FAM120A: variants seen among roughly 807,000 people sequenced by gnomAD.
The protein encoded by FAM120A is constitutive coactivator of PPAR-gamma-like protein 1.
A neutral mutation model predicts 109.7 loss-of-function variants in FAM120A; 15 were observed. The ratio of observed to expected loss-of-function variants is 0.14; its 90% CI spans 0.09 to 0.21. The LOEUF (loss-of-function observed/expected upper bound fraction) is 0.21. FAM120A is among the 10% of genes least tolerant of loss of function. FAM120A has a pLI of 1.00. For missense variants in FAM120A, 899 were observed against 1,439.3 expected (o/e 0.62, Z 6.07); for synonymous variants, 493 against 572.8 (o/e 0.86, Z 1.99).
At chr9:93,558,503 C>G (rs1862367669) in intron 14 of FAM120A, 78 bp from the exon 15 acceptor site, 1 of 1,552,560 alleles carries the variant, frequency 6.4e-7, no homozygotes, top group African/African-American at 1.4e-5. Context: ...GCAGGGGCCA[C>G]TCTGCCTGAA....
chr9:93,554,826 T>G (rs941270241), intron 12 of FAM120A, among the ~76,000 whole-genome samples: 1 of 152,230 alleles, frequency 6.6e-6, no homozygotes, highest in Non-Finnish European at 1.5e-5. Flanking sequence ...TTCTCTGTTC[T>G]CTGGTGTAGG....
At position 93,452,253 on chromosome 9, in the gene FAM120A, G is replaced by C. The variant is rs781127336; in HGVS notation, c.338G>C (p.Gly113Ala). The part of the protein sequence containing the change: ...ARLHEWVKRQ[G>A]NERQTAQQIV... The stretch of plus-strand genomic sequence containing the variant: ...CTGCACGAGTGGGTCAAGCGGCAGG[G>C]CAACGAGCGCCAGACGGCACAGCAG... Residue 113 changes from glycine (G) to alanine (A), a missense_variant, in exon 1 of 18, where the codon GGC becomes GCC. Gly to Ala is a moderately conservative substitution (Grantham distance 60, BLOSUM62 0). This residue lies in a region of FAM120A where 258 missense variants were observed against 451.4 expected (regional missense o/e 0.57). Coordinates refer to ENST00000277165, the MANE Select transcript of FAM120A (RefSeq NM_014612.5). The surrounding 1 kb of genome is among the most constrained non-coding windows in gnomAD (Gnocchi z 7.0). The C allele has an allele frequency of 6.2e-7, 1 of 1,610,506 alleles. No homozygotes were observed. The highest frequency in any genetic ancestry group is 1.7e-5 in the Admixed American group (1 of 59,780).
intron 5 of FAM120A, among the ~76,000 whole-genome samples, chr9:93,506,583 G>T: frequency 6.9e-6 from 1 of 145,604 alleles, no homozygotes; most frequent in South Asian, 2.1e-4. Flanking sequence ...CTTAGGGCAT[G>T]ATTTTTTTTT....
chr9:93,482,210 C>T (rs750203497), intron 3 of FAM120A, among the ~76,000 whole-genome samples: 9 of 101,538 alleles, frequency 8.9e-5, no homozygotes, highest in Non-Finnish European at 1.6e-4. Flanking sequence ...TTTTGGGAGA[C>T]GGAGTTTTGC....
At chr9:93,538,998 AGTT>A (rs1411644572) in intron 10 of FAM120A, among the ~76,000 whole-genome samples, 1 of 139,864 alleles carries the variant, frequency 7.1e-6, no homozygotes, top group Non-Finnish European at 1.6e-5. Flanking sequence ...TCAGCCCTAG[AGTT>A]GTTTTTTTTT....
chr9:93,472,421 A>G (rs1345368709), intron 2 of FAM120A, among the ~76,000 whole-genome samples: 2 of 152,184 alleles, frequency 1.3e-5, no homozygotes, highest in Non-Finnish European at 2.9e-5. Flanking sequence ...CTTAGTTTAT[A>G]AGAATTGTGT....
rs760183507 is a variant in FAM120A at position 93,557,955 on chromosome 9, C to T, written c.2613C>T (p.Tyr871=). The change falls in exon 14 of 18, where the codon TAC becomes TAT. Residue 871 remains tyrosine, a synonymous_variant. Coordinates refer to ENST00000277165, the MANE Select transcript of FAM120A (RefSeq NM_014612.5). ...TGCCCTTCTACCCTGCCTCTGCGTA[C>T]CCCCGGCACTTTGGGCCTGTCCCAC... is the stretch of plus-strand genomic sequence containing the variant. ...PALPFYPASA[Y]PRHFGPVPPS... 4.4e-6 allele frequency: 7 copies of T among 1,605,390 alleles called. No individual in the cohort carries two copies. Among genetic ancestry groups the T allele is most frequent in the East Asian group, 2.2e-5 (1 of 44,888 alleles).
At chr9:93,468,806 C>T (rs796983824) in intron 1 of FAM120A, among the ~76,000 whole-genome samples, 30 of 152,276 alleles carry the variant, frequency 2.0e-4, no homozygotes, top group African/African-American at 7.2e-4. Flanking sequence ...GTTTCTTAGG[C>T]TCTATTTCCT....
intron 10 of FAM120A, among the ~76,000 whole-genome samples, chr9:93,534,703 T>A (rs1022416790): frequency 6.6e-5 from 10 of 152,064 alleles, no homozygotes; most frequent in Non-Finnish European, 1.2e-4. Flanking sequence ...TGGGGAGGAT[T>A]TAGTGGGGGA....
At chr9:93,510,536 A>G (rs1860269659) in intron 5 of FAM120A, among the ~76,000 whole-genome samples, 3 of 152,222 alleles carry the variant, frequency 2.0e-5, no homozygotes, top group Admixed American at 2.0e-4. Context: ...TGCTTTTCCA[A>G]AACCCACAAA....
At chr9:93,492,064 A>G (rs2131330799) in intron 3 of FAM120A, among the ~76,000 whole-genome samples, 1 of 152,250 alleles carries the variant, frequency 6.6e-6, no homozygotes, top group East Asian at 1.9e-4. Flanking sequence ...GTTTAGCAAC[A>G]CTGCTGATGA....
intron 5 of FAM120A, among the ~76,000 whole-genome samples, chr9:93,510,707 A>G (rs1446176942): frequency 7.3e-6 from 1 of 136,832 alleles, no homozygotes; most frequent in Non-Finnish European, 1.7e-5. Flanking sequence ...GAACTGCCTC[A>G]GCCCCCAGTG....
Position 93,452,513 on chromosome 9 carries a change from G to A in FAM120A, c.474+124G>A. 2 of 1,550,740 alleles carry A rather than the reference G, an allele frequency of 1.3e-6. No individual in the cohort carries two copies. Among genetic ancestry groups the A allele is most frequent in the South Asian group, 1.1e-5 (1 of 87,162 alleles). On this transcript the variant is annotated intron_variant, in intron 1 of 17. Coordinates refer to ENST00000277165, the MANE Select transcript of FAM120A (RefSeq NM_014612.5). This position sits in a 1 kb window ranked among gnomAD's most constrained non-coding sequence, Gnocchi z 7.0. Reference sequence around the variant, plus strand: ...GGGGCAGCGAGTTCCCCCAGCCCTTGCCCGGGATAGCCTGGCCGGGCCGGG... The same window carrying A: ...GGGGCAGCGAGTTCCCCCAGCCCTTACCCGGGATAGCCTGGCCGGGCCGGG...
At chr9:93,511,536 T>C (rs1860322457) in intron 5 of FAM120A, among the ~76,000 whole-genome samples, 1 of 152,262 alleles carries the variant, frequency 6.6e-6, no homozygotes. Flanking sequence ...CTCTGGACAC[T>C]GGATCTGTAG....
chr9:93,550,269 G>A (rs545582604), intron 11 of FAM120A, among the ~76,000 whole-genome samples: 2 of 152,272 alleles, frequency 1.3e-5, no homozygotes, highest in East Asian at 3.9e-4. Context: ...TACTTAGAAT[G>A]TACTTCCAGG....
intron 3 of FAM120A, among the ~76,000 whole-genome samples, chr9:93,480,242 CAT>C (rs1164399444): frequency 6.6e-6 from 1 of 152,208 alleles, no homozygotes; most frequent in Admixed American, 6.5e-5. Flanking sequence ...TTTCATGTAA[CAT>C]GTAAAATTGT....
chr9:93,554,161 A>ACACACACACACACACG (rs1862207304), intron 12 of FAM120A, among the ~76,000 whole-genome samples: 1 of 148,966 alleles, frequency 6.7e-6, no homozygotes, highest in Non-Finnish European at 1.5e-5. Flanking sequence ...ACACACACAC[A>ACACACACACACACACG]CACACACACA....
chr9:93,519,516 T>C (rs1309781521), intron 7 of FAM120A, among the ~76,000 whole-genome samples: 1 of 152,254 alleles, frequency 6.6e-6, no homozygotes, highest in East Asian at 1.9e-4. Context: ...GTGCTGGGAT[T>C]ACAGGCGTGA....
chr9:93,536,470 C>G (rs1433750076), intron 10 of FAM120A, among the ~76,000 whole-genome samples: 1 of 152,218 alleles, frequency 6.6e-6, no homozygotes, highest in African/African-American at 2.4e-5. Context: ...TTAATGGTCA[C>G]TGTAACAATA....
Sources: gnomAD v4.1 joint callset for allele counts (sites outside exome capture counted in the v4.1 genomes callset) on GRCh38, gnomAD v4.1.1 for gene constraint, gnomAD v4.1.1 regional missense constraint, Gnocchi (gnomAD v3.1) non-coding constraint, MANE v1.5 for transcripts, NCBI Gene and HGNC (gene_info 2026-07-23, HGNC 2026-07-21) for gene names.